NOSTRIN: variants seen among roughly 807,000 people sequenced by gnomAD.
NOSTRIN encodes the protein nitric oxide synthase trafficking.
Under a neutral mutation model 59.0 loss-of-function variants are expected in NOSTRIN, and 63 were observed. The ratio of observed to expected loss-of-function variants is 1.07; its 90% confidence interval spans 0.87 to 1.32. NOSTRIN has a LOEUF of 1.32. Ranked by LOEUF, NOSTRIN falls within the 40% of genes most tolerant of loss-of-function variation. The pLI is 0.00. For missense variants in NOSTRIN, 512 were observed against 473.1 expected (o/e 1.08, Z -0.76); for synonymous variants, 200 against 165.4 (o/e 1.21, Z -1.61).
chr2:168,856,555 A>G (rs1689130320), intron 11 of NOSTRIN, 135 bp from the exon 12 acceptor site: 4 of 684,906 alleles, frequency 5.8e-6, no homozygotes, highest in Non-Finnish European at 1.0e-5. Flanking sequence ...AGCCTGGGTG[A>G]CAGAGCAAGA....
chr2:168,822,347 GA>G (rs5836207), intron 2 of NOSTRIN, among the ~76,000 whole-genome samples: 102,527 of 150,976 alleles, frequency 0.68, 35,094 homozygotes, highest in East Asian at 0.88. Context: ...TGTACTAAGA[GA>G]AAAAAAAAAT....
chr2:168,830,443 T>A (rs1687298365), intron 5 of NOSTRIN, among the ~76,000 whole-genome samples: 1 of 152,248 alleles, frequency 6.6e-6, no homozygotes, highest in African/African-American at 2.4e-5. Flanking sequence ...AAAAGTGGCA[T>A]AGTACATGAA....
At chr2:168,816,205 C>A (rs1218841396) in intron 2 of NOSTRIN, among the ~76,000 whole-genome samples, 1 of 152,126 alleles carries the variant, frequency 6.6e-6, no homozygotes, top group East Asian at 1.9e-4. Flanking sequence ...TAGAAGACCC[C>A]GTTTCCAATC....
At chr2:168,863,628 G>C (rs1689628102) in intron 15 of NOSTRIN, 1 of 983,998 alleles carries the variant, frequency 1.0e-6, no homozygotes, top group Non-Finnish European at 1.2e-6. Context: ...GTTGAATGGG[G>C]AGTTACATTT....
chr2:168,864,864 A>G lies in NOSTRIN; in HGVS notation c.1415A>G (p.Glu472Gly), dbSNP rs939386114. Reference protein sequence around the residue: ...GDIVIIHEKKEGGWWFGSLNG... With the variant: ...GDIVIIHEKKGGGWWFGSLNG... ...ATTGTGATTATACACGAGAAAAAAG[A>G]AGGAGGATGGTGGTTTGGATCTTTG... Residue 472 changes from glutamate to glycine, a missense_variant, in exon 16 of 16, where the codon GAA becomes GGA. By Grantham distance (98) the Glu-to-Gly change is moderately conservative. Coordinates refer to ENST00000317647, the MANE Select transcript of NOSTRIN (RefSeq NM_001039724.4). 1.9e-5 allele frequency: 31 copies of G among 1,614,016 alleles called. 1 individual carries two copies. Among genetic ancestry groups the G allele is most frequent in the Middle Eastern group, 1.7e-4 (1 of 6,058 alleles).
intron 2 of NOSTRIN, among the ~76,000 whole-genome samples, chr2:168,817,437 C>A (rs1010474536): frequency 7.2e-5 from 11 of 152,214 alleles, no homozygotes; most frequent in Non-Finnish European, 1.5e-4. Flanking sequence ...GCTCTGCTTC[C>A]TCCTCATTCC....
intron 8 of NOSTRIN, among the ~76,000 whole-genome samples, chr2:168,850,615 T>G (rs1027201735): frequency 1.4e-5 from 2 of 147,902 alleles, no homozygotes; most frequent in African/African-American, 2.6e-5. Context: ...TTTTTTTTTT[T>G]GTAAAAACAA....
chr2:168,828,489 G>A lies in NOSTRIN; in HGVS notation c.330G>A (p.Lys110=), dbSNP rs776769372. 8.0e-6 allele frequency: 7 copies of A among 870,276 alleles called. No individual in the cohort carries two copies. In the South Asian group the frequency reaches 9.3e-5, roughly 12 times the overall value. The allele number at this position is 870,276 out of a possible 1,614,324, so 53.9% of individuals were successfully genotyped here. ...PTYQVLNVQE[K]KRKSLDNEVE... is the part of the protein sequence containing the mutation. ...ATCAAGTCCTAAATGTACAAGAGAAGAAGAGAAAATCAGTGAGTCCAAACC... is the reference window on the plus strand; with the variant it reads ...ATCAAGTCCTAAATGTACAAGAGAAAAAGAGAAAATCAGTGAGTCCAAACC... The change falls in exon 5 of 16, where the codon AAG becomes AAA. Residue 110 remains lysine (K), a synonymous_variant. Transcript: ENST00000317647.
intron 1 of NOSTRIN, among the ~76,000 whole-genome samples, chr2:168,806,630 T>G (rs1161694005): frequency 2.0e-5 from 3 of 152,158 alleles, no homozygotes; most frequent in African/African-American, 7.2e-5. Context: ...ACTACCAGAC[T>G]GAAATCCCTT....
upstream of NOSTRIN, among the ~76,000 whole-genome samples, chr2:168,794,429 G>T (rs1485564685): frequency 6.7e-6 from 1 of 149,600 alleles, no homozygotes; most frequent in Non-Finnish European, 1.5e-5. Flanking sequence ...TCAGCTCACT[G>T]CAAGCTCCGC....
At chr2:168,850,897 G>C (rs1027581686) in intron 8 of NOSTRIN, 187 bp from the exon 9 acceptor site, 7 of 797,562 alleles carry the variant, frequency 8.8e-6, no homozygotes, top group Admixed American at 8.0e-5. Context: ...AAGTGTGTGA[G>C]TGATTTAAGA....
chr2:168,791,726 A>G (rs1321023577), intron 2 of NOSTRIN, among the ~76,000 whole-genome samples: 2 of 139,574 alleles, frequency 1.4e-5, no homozygotes, highest in African/African-American at 2.7e-5. Context: ...TTTGATTTGC[A>G]TTTCTCTGAT....
intron 2 of NOSTRIN, among the ~76,000 whole-genome samples, chr2:168,822,156 T>A (rs530685622): frequency 1.0e-3 from 156 of 152,332 alleles, no homozygotes; most frequent in African/African-American, 3.7e-3. Flanking sequence ...CAGAGAAATC[T>A]ATTTTTAAGT....
At chr2:168,790,062 G>A (rs905419014) in intron 2 of NOSTRIN, among the ~76,000 whole-genome samples, 1 of 152,178 alleles carries the variant, frequency 6.6e-6, no homozygotes, top group African/African-American at 2.4e-5. Flanking sequence ...TTTTAGTCAA[G>A]CAGTAAAATT....
At chr2:168,840,665 A>G (rs1264606872) in intron 7 of NOSTRIN, among the ~76,000 whole-genome samples, 1 of 151,986 alleles carries the variant, frequency 6.6e-6, no homozygotes, top group Non-Finnish European at 1.5e-5. Flanking sequence ...AACATTTTGG[A>G]TGAATGTTTT....
At chr2:168,788,678 A>G (rs1472266836) in intron 2 of NOSTRIN, among the ~76,000 whole-genome samples, 9 of 152,306 alleles carry the variant, frequency 5.9e-5, no homozygotes, top group Non-Finnish European at 1.3e-4. Flanking sequence ...AGGCGTAAAT[A>G]TATTAACAAT....
intron 7 of NOSTRIN, among the ~76,000 whole-genome samples, chr2:168,841,293 AATAT>A (rs10536098): frequency 0.61 from 90,190 of 148,606 alleles, 27,857 homozygotes; most frequent in South Asian, 0.73. Context: ...GAATGCTTTA[AATAT>A]ATATATATAA....
upstream of NOSTRIN, among the ~76,000 whole-genome samples, chr2:168,800,378 A>C (rs1574250526): frequency 6.6e-6 from 1 of 152,318 alleles, no homozygotes; most frequent in African/African-American, 2.4e-5. Flanking sequence ...TGACCTCCAA[A>C]ATCAAGGCTT....
chr2:168,862,451 G>C (rs1157132459), intron 15 of NOSTRIN, among the ~76,000 whole-genome samples: 4 of 152,224 alleles, frequency 2.6e-5, no homozygotes, highest in Non-Finnish European at 4.4e-5. Context: ...TAGAATGTCA[G>C]TGATGGAAAG....
Sources: allele counts gnomAD v4.1 joint callset (sites outside exome capture counted in the v4.1 genomes callset), GRCh38; gene constraint gnomAD v4.1.1; transcripts MANE v1.5; gene names NCBI Gene and HGNC (gene_info 2026-07-23, HGNC 2026-07-21).